The following FAM83B variants were observed in gnomAD, a reference collection of about 807,000 sequenced individuals.
The protein encoded by FAM83B is scaffolding CK1 anchoring protein B.
In FAM83B, 26 loss-of-function variants were observed where a neutral mutation model predicts 38.8. That is an observed-to-expected ratio of 0.67 (90% CI 0.49 to 0.93). FAM83B has a LOEUF of 0.93. Ranked by LOEUF, FAM83B falls within the 40% of genes least tolerant of loss-of-function variation. The pLI, the probability that FAM83B is intolerant of heterozygous loss-of-function variation, is 0.00. For synonymous variants in FAM83B, 419 were observed against 423.1 expected (o/e 0.99, Z 0.12); for missense variants, 1,237 against 1,197.3 (o/e 1.03, Z -0.49).
chr6:54,941,479 G>A lies in FAM83B; in HGVS notation c.2508G>A (p.Ser836=), dbSNP rs1234004982. The change falls in exon 5 of 5, where the codon TCG becomes TCA. Residue 836 remains serine, a synonymous_variant. Transcript: ENST00000306858. ...SSPRRKHSSS[S]NSQGSIHKSK... ...CTAGAAGAAAGCATTCTTCCTCATC[G>A]AATTCTCAAGGCAGCATCCACAAGA... The A allele has an allele frequency of 1.9e-6, 3 of 1,613,766 alleles. No homozygotes were observed. Among genetic ancestry groups the A allele is most frequent in the Admixed American group, 1.7e-5 (1 of 59,924 alleles).
chr6:54,921,223 T>G (rs1270131199), intron 2 of FAM83B, among the ~76,000 whole-genome samples: 1 of 151,980 alleles, frequency 6.6e-6, no homozygotes, highest in Non-Finnish European at 1.5e-5. Context: ...TTATTGTTTT[T>G]TCTTTCTCTG....
intron 2 of FAM83B, among the ~76,000 whole-genome samples, chr6:54,888,059 A>G (rs1444619796): frequency 2.9e-5 from 3 of 102,730 alleles, no homozygotes; most frequent in African/African-American, 1.1e-4. Flanking sequence ...AGGTTTTATT[A>G]TTCAGTTTCC....
At chr6:54,887,853 A>G (rs546347220) in intron 2 of FAM83B, among the ~76,000 whole-genome samples, 3 of 151,872 alleles carry the variant, frequency 2.0e-5, no homozygotes, top group African/African-American at 4.8e-5. Flanking sequence ...TATATGTTCA[A>G]CTTTTCTCTG....
chr6:54,849,899 G>A (rs936034687), intron 1 of FAM83B, among the ~76,000 whole-genome samples: 6 of 151,678 alleles, frequency 4.0e-5, no homozygotes, highest in Non-Finnish European at 8.8e-5. Flanking sequence ...CCGGTTACTG[G>A]CAGGGGCCTA....
At chr6:54,923,544 T>A (rs1773218241) in intron 2 of FAM83B, among the ~76,000 whole-genome samples, 1 of 152,162 alleles carries the variant, frequency 6.6e-6, no homozygotes, top group African/African-American at 2.4e-5. Context: ...ATTAAATTTA[T>A]GACCTGGTGA....
chr6:54,876,327 G>GT (rs370217741), intron 2 of FAM83B, among the ~76,000 whole-genome samples: 3,650 of 86,836 alleles, frequency 0.042, 77 homozygotes, highest in Middle Eastern at 0.14. Context: ...ATATGTTTTT[G>GT]TTTTTTTTTT....
At position 54,865,296 on chromosome 6, in the gene FAM83B, T is replaced by C. The variant is rs147495158; in HGVS notation, c.-60-4891T>C. On this transcript the variant is annotated intron_variant, in intron 1 of 4. Transcript: ENST00000306858. ...CTGTTCTTGTAGGCAATTCTTGGCA[T>C]TCCAGTCTCTGCCTCTGTAGTCACG... 4.3e-4 allele frequency among the ~76,000 whole-genome samples: 66 copies of C among 152,306 alleles called. 1 individual carries two copies. The highest frequency in any genetic ancestry group is 1.3e-3 in the African/African-American group (56 of 41,570).
intron 2 of FAM83B, among the ~76,000 whole-genome samples, chr6:54,879,857 ACAATAGGCTGAAGCTGACGTC>A (rs1393791986): frequency 2.0e-5 from 3 of 152,226 alleles, no homozygotes; most frequent in Non-Finnish European, 4.4e-5. Context: ...CAACAAGCTG[ACAATAGGCTGAAGCTGACGTC>A]CAATAGCAAA....
intron 4 of FAM83B, 69 bp downstream of exon 4, chr6:54,927,701 A>C: frequency 1.1e-6 from 1 of 903,338 alleles, no homozygotes; most frequent in Non-Finnish European, 1.5e-6. Flanking sequence ...AAATTTTAAT[A>C]TAATCAGTTA....
rs781136622 is a variant in FAM83B at position 54,941,045 on chromosome 6, C to T, written c.2074C>T (p.Arg692Ter). 10 of 1,613,596 alleles carry T rather than the reference C, an allele frequency of 6.2e-6. No homozygotes were observed. Among genetic ancestry groups the T allele is most frequent in the Non-Finnish European group, 7.6e-6 (9 of 1,179,896 alleles). ...TGTATATAGTACACTTACCAGGAAT[C>T]GAGTTAGACAACCAGAAAAGCCCAA... The part of the protein sequence containing the change: ...HYVYSTLTRN[R>*]VRQPEKPKED... Residue 692 changes from arginine (R) to a stop codon, truncating the protein, a stop_gained, in exon 5 of 5, where the codon CGA becomes TGA. Coordinates refer to ENST00000306858, the MANE Select transcript of FAM83B (RefSeq NM_001010872.3). LOFTEE classifies it high-confidence loss of function.
intron 1 of FAM83B, among the ~76,000 whole-genome samples, chr6:54,858,966 A>G (rs1771509758): frequency 6.6e-6 from 1 of 152,204 alleles, no homozygotes; most frequent in Non-Finnish European, 1.5e-5. Flanking sequence ...TATATTACCA[A>G]AAACCTAACC....
chr6:54,906,760 A>G (rs77091674), intron 2 of FAM83B, among the ~76,000 whole-genome samples: 3,667 of 152,240 alleles, frequency 0.024, 145 homozygotes, highest in African/African-American at 0.082. Flanking sequence ...CAAGTTATTT[A>G]CCATTCTCTC....
intron 2 of FAM83B, among the ~76,000 whole-genome samples, chr6:54,921,029 T>G (rs148282845): frequency 1.3e-5 from 2 of 152,124 alleles, no homozygotes; most frequent in East Asian, 3.9e-4. Flanking sequence ...GTTAATTCAA[T>G]AAACATTTGT....
At chr6:54,916,526 T>C (rs1313902752) in intron 2 of FAM83B, among the ~76,000 whole-genome samples, 1 of 152,194 alleles carries the variant, frequency 6.6e-6, no homozygotes, top group Non-Finnish European at 1.5e-5. Context: ...CAATTGTAAG[T>C]GCTCAATATC....
chr6:54,888,128 C>T (rs553575375), intron 2 of FAM83B, among the ~76,000 whole-genome samples: 1 of 150,652 alleles, frequency 6.6e-6, no homozygotes, highest in East Asian at 2.0e-4. Flanking sequence ...ACATTCTTGA[C>T]ATTTTAAACT....
chr6:54,884,442 A>G (rs1365190555), intron 2 of FAM83B, among the ~76,000 whole-genome samples: 1 of 148,480 alleles, frequency 6.7e-6, no homozygotes, highest in Admixed American at 6.8e-5. Context: ...AGACTGCGCC[A>G]TTGCACTCCA....
At chr6:54,855,759 A>C (rs990405364) in intron 1 of FAM83B, among the ~76,000 whole-genome samples, 1 of 152,210 alleles carries the variant, frequency 6.6e-6, no homozygotes, top group Admixed American at 6.5e-5. Context: ...GATTCACCAA[A>C]AAGTGGGGGC....
chr6:54,911,049 C>T (rs1168169233), intron 2 of FAM83B, among the ~76,000 whole-genome samples: 1 of 151,662 alleles, frequency 6.6e-6, no homozygotes, highest in Non-Finnish European at 1.5e-5. Flanking sequence ...AAAATTATAG[C>T]TATTTTTCTT....
At chr6:54,915,349 A>G (rs926536752) in intron 2 of FAM83B, among the ~76,000 whole-genome samples, 9 of 152,114 alleles carry the variant, frequency 5.9e-5, no homozygotes, top group African/African-American at 2.2e-4. Context: ...ATTTCTGTCT[A>G]TCCTTTCTCT....
Sources: allele counts gnomAD v4.1 joint callset (sites outside exome capture counted in the v4.1 genomes callset), GRCh38; gene constraint gnomAD v4.1.1; transcripts MANE v1.5; gene names NCBI Gene and HGNC (gene_info 2026-07-23, HGNC 2026-07-21).